Variants in MR1 observed in about 807,000 individuals in gnomAD.
The protein encoded by MR1 is major histocompatibility complex, class I-related.
A neutral mutation model predicts 37.8 loss-of-function variants in MR1; 44 were observed. The ratio of observed to expected loss-of-function variants is 1.16; its 90% CI spans 0.91 to 1.50. The LOEUF (loss-of-function observed/expected upper bound fraction) is 1.50. Among genes scored for constraint, MR1 ranks in the 40% most tolerant of loss-of-function variants. The pLI is 0.00. For synonymous variants in MR1, 153 were observed against 155.8 expected, an observed-to-expected ratio of 0.98 and a Z score of 0.13; for missense variants, 386 against 419.1, an observed-to-expected ratio of 0.92 and a Z score of 0.69.
At chr1:181,044,571 A>G (rs1195503872) in intron 1 of MR1, among the ~76,000 whole-genome samples, 1 of 152,088 alleles carries the variant, frequency 6.6e-6, no homozygotes, top group Non-Finnish European at 1.5e-5. Flanking sequence ...CGTGAGGCTG[A>G]GGGGAGGTGG....
intron 1 of MR1, among the ~76,000 whole-genome samples, chr1:181,036,804 A>G (rs1657296204): frequency 6.6e-6 from 1 of 152,242 alleles, no homozygotes; most frequent in African/African-American, 2.4e-5. Flanking sequence ...ACAGGCACTT[A>G]GTAAATGTTT....
At position 181,056,169 on chromosome 1, in the gene MR1, T is replaced by A. The variant is rs1658606230; in HGVS notation, c.*904T>A. On this transcript the variant is annotated 3_prime_UTR_variant, in exon 6 of 6. Coordinates refer to ENST00000367580, the MANE Select transcript of MR1 (RefSeq NM_001385161.1). ...TCACGAGGTCAGGAGATTAAGACCA[T>A]CCTGGCCAATATGGTGAAACCCTGT... The A allele has an allele frequency of 6.6e-6, 1 of 151,828 alleles. No individual in the cohort carries two copies. Among genetic ancestry groups the A allele is most frequent in the African/African-American group, 2.4e-5 (1 of 41,324 alleles). 9.4% of individuals were successfully genotyped at this position (151,828 alleles called of 1,614,324 possible).
rs1379854588 is a variant in MR1 at position 181,058,542 on chromosome 1, C to T, written c.*3277C>T. The T allele has an allele frequency of 6.6e-6, 1 of 152,222 alleles. No individual in the cohort carries two copies. Among genetic ancestry groups the T allele is most frequent in the African/African-American group, 2.4e-5 (1 of 41,454 alleles). The allele number at this position is 152,222 out of a possible 1,614,324, so 9.4% of individuals were successfully genotyped here. A position where few individuals can be genotyped will look rare whatever the true frequency, so the allele number is the denominator to read the frequency against. ...GGCCAGTCCTCCTTTCCTCTCTCCTCTTACTCCCATGATTTCCAAGTTGTG... is the reference window on the plus strand; with the variant it reads ...GGCCAGTCCTCCTTTCCTCTCTCCTTTTACTCCCATGATTTCCAAGTTGTG... On this transcript the variant is annotated 3_prime_UTR_variant, in exon 6 of 6. Transcript: ENST00000367580.
chr1:181,044,835 G>T (rs1027836298), intron 1 of MR1, among the ~76,000 whole-genome samples: 3 of 152,204 alleles, frequency 2.0e-5, no homozygotes, highest in Non-Finnish European at 2.9e-5. Context: ...GAATAAAAAA[G>T]TAGAGGTGTT....
chr1:181,038,699 T>C (rs549520690), intron 1 of MR1, among the ~76,000 whole-genome samples: 31 of 152,350 alleles, frequency 2.0e-4, no homozygotes, highest in African/African-American at 6.7e-4. Context: ...TTGGGTAGTC[T>C]CAAGGTAGAG....
chr1:181,043,163 G>A (rs1338818997), intron 1 of MR1, among the ~76,000 whole-genome samples: 2 of 152,162 alleles, frequency 1.3e-5, no homozygotes, highest in African/African-American at 4.8e-5. Context: ...CTACCCCAGA[G>A]GCTTCCACTG....
chr1:181,050,420 A>G (rs2102396503), intron 3 of MR1, 134 bp downstream of exon 3: 3 of 1,164,582 alleles, frequency 2.6e-6, no homozygotes, highest in Middle Eastern at 4.6e-4. Flanking sequence ...TCTCATGGCT[A>G]GAGCCCCCAC....
Position 181,061,718 on chromosome 1 carries a change from T to C in MR1, c.*6453T>C, listed in dbSNP as rs1658908619. On this transcript the variant is annotated 3_prime_UTR_variant, in exon 6 of 6. Coordinates refer to ENST00000367580, the MANE Select transcript of MR1 (RefSeq NM_001385161.1). ...GTAGTAGCAACTCAGTAAATACTTT[T>C]TGAATGAACTAGTATAGTATTTTAA... 6.6e-6 allele frequency: 1 copy of C among 152,258 alleles called. No homozygotes were observed. The highest frequency in any genetic ancestry group is 2.4e-5 in the African/African-American group (1 of 41,480). 9.4% of individuals were successfully genotyped at this position (152,258 alleles called of 1,614,324 possible). A position where few individuals can be genotyped will look rare whatever the true frequency, so the allele number is the denominator to read the frequency against.
At chr1:181,048,601 CAGAGGTGG>C (rs1238158977) in intron 1 of MR1, among the ~76,000 whole-genome samples, 1 of 152,076 alleles carries the variant, frequency 6.6e-6, no homozygotes, top group East Asian at 1.9e-4. Context: ...CGTGCACACA[CAGAGGTGG>C]AGTGGGGGTC....
At chr1:181,043,161 G>T (rs942855739) in intron 1 of MR1, among the ~76,000 whole-genome samples, 1 of 152,148 alleles carries the variant, frequency 6.6e-6, no homozygotes, top group Non-Finnish European at 1.5e-5. Context: ...GACTACCCCA[G>T]AGGCTTCCAC....
chr1:181,045,704 C>T (rs1273201604), intron 1 of MR1, among the ~76,000 whole-genome samples: 2 of 152,352 alleles, frequency 1.3e-5, no homozygotes, highest in African/African-American at 2.4e-5. Flanking sequence ...GCTCTTGGCG[C>T]CTCCGCTGCC....
At chr1:181,034,123 CT>C in intron 1 of MR1, 49 bp downstream of exon 1, 1 of 1,554,240 alleles carries the variant, frequency 6.4e-7, no homozygotes, top group Non-Finnish European at 8.7e-7. Flanking sequence ...TCGAGGCAGC[CT>C]AGAAGGCACA....
At chr1:181,035,044 T>A (rs1297525453) in intron 1 of MR1, among the ~76,000 whole-genome samples, 2 of 152,116 alleles carry the variant, frequency 1.3e-5, no homozygotes, top group Non-Finnish European at 2.9e-5. Context: ...CTCACACCTG[T>A]AATCCTAGCA....
intron 3 of MR1, 103 bp downstream of exon 3, chr1:181,050,389 T>C: frequency 6.8e-7 from 1 of 1,468,582 alleles, no homozygotes; most frequent in Non-Finnish European, 9.4e-7. Context: ...GAAAGCCATC[T>C]CTTTAGTTGG....
At chr1:181,035,075 C>T (rs548746209) in intron 1 of MR1, among the ~76,000 whole-genome samples, 14 of 152,018 alleles carry the variant, frequency 9.2e-5, no homozygotes, top group Non-Finnish European at 1.8e-4. Context: ...CCGAGGCAGA[C>T]GGATCGCTTG....
intron 1 of MR1, among the ~76,000 whole-genome samples, chr1:181,048,229 A>AAAAT (rs1285682394): frequency 7.0e-6 from 1 of 143,804 alleles, no homozygotes; most frequent in African/African-American, 2.6e-5. Context: ...AAAAATAAAT[A>AAAAT]AAATAAAATA....
rs764830276 is a variant in MR1, at chr1:181,053,670, G to T, written c.978G>T (p.Arg326Ser). 9.3e-6 allele frequency: 15 copies of T among 1,611,362 alleles called. No homozygotes were observed. The highest frequency in any genetic ancestry group is 1.7e-6 in the Non-Finnish European group (2 of 1,177,512). ...AGVGVLVWRR[R>S]PREQNGAIYL... is the part of the protein sequence containing the mutation. ...TTGGTGTTCTAGTCTGGAGAAGAAG[G>T]CCCCGAGGTGAGAGGCACATGGAAG... Residue 326 changes from arginine to serine, a missense_variant, in exon 5 of 6, where the codon AGG (arginine) becomes AGT (serine). Coordinates refer to ENST00000367580, the MANE Select transcript of MR1 (RefSeq NM_001385161.1).
intron 1 of MR1, among the ~76,000 whole-genome samples, chr1:181,040,573 G>T (rs756503259): frequency 9.2e-5 from 14 of 152,108 alleles, no homozygotes; most frequent in Non-Finnish European, 1.8e-4. Context: ...GCACCAGATG[G>T]GTAACTGGGC....
chr1:181,049,117 A>G lies in MR1; in HGVS notation c.133A>G (p.Ile45Val). The change falls in exon 2 of 6, where the codon ATT (isoleucine) becomes GTT (valine). Residue 45 changes from isoleucine (I) to valine (V), a missense_variant. Coordinates refer to ENST00000367580, the MANE Select transcript of MR1 (RefSeq NM_001385161.1). ...TCCCATCCATGGGGTCCCTGAATTTATTTCGGTTGGGTACGTGGACTCGCA... is the reference window on the plus strand; with the variant it reads ...TCCCATCCATGGGGTCCCTGAATTTGTTTCGGTTGGGTACGTGGACTCGCA... ...SDPIHGVPEF[I>V]SVGYVDSHPI... 6.2e-7 allele frequency: 1 copy of G among 1,614,036 alleles called. No homozygotes were observed. Among genetic ancestry groups the G allele is most frequent in the South Asian group, 1.1e-5 (1 of 91,088 alleles).
Sources: allele counts gnomAD v4.1 joint callset (sites outside exome capture counted in the v4.1 genomes callset), GRCh38; gene constraint gnomAD v4.1.1; transcripts MANE v1.5; gene names NCBI Gene and HGNC (gene_info 2026-07-23, HGNC 2026-07-21).